Variants in FARP2 observed in about 807,000 individuals in gnomAD.
FARP2 encodes the protein FERM, ARH/RhoGEF and pleckstrin domain protein 2, also known as FERM, ARHGEF and pleckstrin domain-containing protein 2.
A neutral mutation model predicts 130.5 loss-of-function variants in FARP2; 111 were observed. The ratio of observed to expected loss-of-function variants is 0.85; its 90% CI spans 0.73 to 1.00. The LOEUF is 1.00. Among genes scored for constraint, FARP2 ranks in the 50% least tolerant of loss-of-function variants. The probability of loss-of-function intolerance (pLI) is 0.00; values close to 1 mark genes in which losing one functional copy is unlikely to be tolerated. For synonymous variants in FARP2, 504 were observed against 516.9 expected (o/e 0.98, Z 0.34); for missense variants, 1,385 against 1,346.3 (o/e 1.03, Z -0.45).
In FARP2 at chr2:241,427,222, C is replaced by T. The variant is rs535099956; in HGVS notation, c.772-4457C>T. Among the ~76,000 whole-genome samples the T allele has an allele frequency of 1.5e-3, 224 of 151,728 alleles. 1 individual carries two copies. Among genetic ancestry groups the T allele is most frequent in the African/African-American group, 2.4e-3 (101 of 41,368 alleles). On this transcript the variant is annotated intron_variant, in intron 8 of 26. Transcript: ENST00000264042. ...TGCACTCCAGCCTGGGCAACAAGAGCGAAACTCTGTCTCAAAACACACACA... is the reference window on the plus strand; with the variant it reads ...TGCACTCCAGCCTGGGCAACAAGAGTGAAACTCTGTCTCAAAACACACACA...
chr2:241,440,674 G>A (rs2063359063), intron 12 of FARP2, among the ~76,000 whole-genome samples: 2 of 152,168 alleles, frequency 1.3e-5, no homozygotes, highest in African/African-American at 2.4e-5. Context: ...ACAGATGAGT[G>A]CGCATTACTG....
chr2:241,439,531 G>A (rs1057459603), intron 12 of FARP2, among the ~76,000 whole-genome samples: 23 of 152,114 alleles, frequency 1.5e-4, no homozygotes, highest in Non-Finnish European at 2.8e-4. Context: ...GGGTTTCACC[G>A]TGTTAGCCAG....
chr2:241,453,769 G>GTTTTTTTT lies in FARP2; in HGVS notation c.1412-2953_1412-2946dup, dbSNP rs1180224982. 1.3e-4 allele frequency among the ~76,000 whole-genome samples: 7 copies of GTTTTTTTT among 54,052 alleles called. No individual in the cohort carries two copies. In the East Asian group the frequency reaches 2.0e-3, roughly 15 times the overall value. 35.5% of individuals were successfully genotyped at this position (54,052 alleles called of 152,430 possible). On this transcript the variant is annotated intron_variant, in intron 13 of 26. Transcript: ENST00000264042. ...TGTTTACTGGGAGTGGCACTTACTGGTTTTTTTTTTTTTTTTTTTTTTTTT... is the reference window on the plus strand; with the variant it reads ...TGTTTACTGGGAGTGGCACTTACTGGTTTTTTTTTTTTTTTTTTTTTTTTTTTTTTTTT...
intron 17 of FARP2, chr2:241,466,020 T>A: frequency 7.6e-7 from 1 of 1,324,384 alleles, no homozygotes; most frequent in Non-Finnish European, 9.7e-7. Context: ...CACAAATCTG[T>A]TTGATCCAGA....
rs2063377632 is a variant in FARP2, at chr2:241,441,330, G to A, written c.1185G>A (p.Arg395=). The change falls in exon 13 of 27, where the codon AGG becomes AGA. Residue 395 remains arginine (R), a synonymous_variant. Transcript: ENST00000264042. ...KQSISFPEGL[R]TPASPSSANA... Reference sequence around the variant, plus strand: ...GCATCTCATTCCCCGAGGGATTGAGGACTCCTGCCTCCCCATCTTCAGCGA... The same window carrying A: ...GCATCTCATTCCCCGAGGGATTGAGAACTCCTGCCTCCCCATCTTCAGCGA... The A allele has an allele frequency of 6.2e-6, 10 of 1,607,550 alleles. No individual in the cohort carries two copies. The highest frequency in any genetic ancestry group is 8.5e-6 in the Non-Finnish European group (10 of 1,175,108).
intron 2 of FARP2, among the ~76,000 whole-genome samples, chr2:241,401,544 T>G (rs2062166029): frequency 6.6e-6 from 1 of 152,144 alleles, no homozygotes; most frequent in South Asian, 2.1e-4. Flanking sequence ...AATTTTTATC[T>G]TTTGTAGAGA....
intron 21 of FARP2, chr2:241,488,330 C>T (rs944479587): frequency 1.3e-5 from 2 of 152,078 alleles, no homozygotes; most frequent in South Asian, 2.1e-4. Flanking sequence ...AGTTCTTCCC[C>T]ATGCCAATAT....
chr2:241,483,603 C>A (rs571271641), intron 20 of FARP2, 70 bp downstream of exon 20: 2 of 1,497,476 alleles, frequency 1.3e-6, no homozygotes, highest in Admixed American at 3.4e-5. Flanking sequence ...TTAGGGACAT[C>A]GCCTGCAGCG....
rs74709097 is a variant in FARP2, at chr2:241,460,071, A to T, written c.1588-2452A>T. ...GGACATTGCCTTTGGACTCCATGCCACGGTGACTGTGGCTAGGAAGTTGTC... is the reference window on the plus strand; with the variant it reads ...GGACATTGCCTTTGGACTCCATGCCTCGGTGACTGTGGCTAGGAAGTTGTC... On this transcript the variant is annotated intron_variant, in intron 14 of 26. Coordinates refer to ENST00000264042, the MANE Select transcript of FARP2 (RefSeq NM_014808.4). 7.0e-4 allele frequency among the ~76,000 whole-genome samples: 107 copies of T among 152,316 alleles called. 2 individuals are homozygous for T. The East Asian group carries it at 0.019, about 27-fold the overall frequency.
At chr2:241,439,023 G>A (rs1237161328) in intron 12 of FARP2, among the ~76,000 whole-genome samples, 2 of 151,936 alleles carry the variant, frequency 1.3e-5, no homozygotes, top group East Asian at 3.9e-4. Flanking sequence ...TACACAGTTT[G>A]ATTTTTTTTT....
At chr2:241,487,008 G>C (rs1328828332) in intron 21 of FARP2, among the ~76,000 whole-genome samples, 1 of 103,804 alleles carries the variant, frequency 9.6e-6, no homozygotes, top group African/African-American at 3.3e-5. Context: ...CCTGGCCCCT[G>C]TGTCCTGGCA....
At chr2:241,426,998 G>T (rs2062955317) in intron 8 of FARP2, among the ~76,000 whole-genome samples, 1 of 152,172 alleles carries the variant, frequency 6.6e-6, no homozygotes, top group Non-Finnish European at 1.5e-5. Context: ...ACTTTGGGAG[G>T]CCAAGGCTGG....
intron 16 of FARP2, 55 bp from the exon 17 acceptor site, chr2:241,463,844 G>C (rs940708604): frequency 1.4e-6 from 2 of 1,467,164 alleles, no homozygotes; most frequent in Admixed American, 3.5e-5. Flanking sequence ...TCAGATTACA[G>C]TGCCTTCTGC....
chr2:241,408,946 A>T (rs1467328171), intron 5 of FARP2, among the ~76,000 whole-genome samples: 1 of 152,166 alleles, frequency 6.6e-6, no homozygotes, highest in African/African-American at 2.4e-5. Flanking sequence ...GTGACCATAG[A>T]TCTTAATAGT....
intron 18 of FARP2, chr2:241,471,543 G>T (rs1424907497): frequency 7.4e-6 from 1 of 134,640 alleles, no homozygotes; most frequent in Non-Finnish European, 1.5e-5. Flanking sequence ...ACCCAGGCTG[G>T]AGTGCAGTGG....
chr2:241,468,087 C>A (rs903238959), intron 17 of FARP2, 53 bp from the exon 18 acceptor site: 1 of 1,211,198 alleles, frequency 8.3e-7, no homozygotes, highest in Non-Finnish European at 1.2e-6. Context: ...GCCAGTCTCC[C>A]CCTGGACTCC....
In FARP2 at chr2:241,419,069, A is replaced by G. The variant is rs146578829; in HGVS notation, c.771+960A>G. On this transcript the variant is annotated intron_variant, in intron 8 of 26. Coordinates refer to ENST00000264042, the MANE Select transcript of FARP2 (RefSeq NM_014808.4). ...TTGTGGGCTCTTTTAACCTGTGACT[A>G]TCAAAAAGAGCTTGGTCTGATTCAG... 5.4e-3 allele frequency among the ~76,000 whole-genome samples: 819 copies of G among 152,312 alleles called. 16 individuals are homozygous for G. The highest frequency in any genetic ancestry group is 0.018 in the African/African-American group (766 of 41,556).
intron 3 of FARP2, 74 bp downstream of exon 3, chr2:241,404,006 T>C: frequency 1.3e-6 from 1 of 769,932 alleles, no homozygotes; most frequent in South Asian, 1.5e-5. Context: ...TCTTTCATCA[T>C]TGCCACATCA....
At chr2:241,432,828 T>G (rs2063125930) in intron 9 of FARP2, among the ~76,000 whole-genome samples, 1 of 152,168 alleles carries the variant, frequency 6.6e-6, no homozygotes, top group South Asian at 2.1e-4. Context: ...ACCATGGGGT[T>G]TGAAGCTTAA....
Sources: gnomAD v4.1 joint callset for allele counts (sites outside exome capture counted in the v4.1 genomes callset) on GRCh38, gnomAD v4.1.1 for gene constraint, MANE v1.5 for transcripts, NCBI Gene and HGNC (gene_info 2026-07-23, HGNC 2026-07-21) for gene names.